PPIG: variants seen among roughly 807,000 people sequenced by gnomAD.
PPIG encodes peptidyl-prolyl cis-trans isomerase G.
Under a neutral mutation model 87.9 loss-of-function variants are expected in PPIG, and 26 were observed. The observed-to-expected ratio is 0.30, with a 90% CI of 0.22 to 0.41. The LOEUF (loss-of-function observed/expected upper bound fraction) is 0.41, where lower values mean the gene tolerates loss of function less well. Among genes scored for constraint, PPIG ranks in the 10% least tolerant of loss-of-function variants. PPIG has a pLI of 1.00. For synonymous variants in PPIG, 308 were observed against 276.5 expected, an observed-to-expected ratio of 1.11 and a Z score of -1.13; for missense variants, 722 against 879.4, an observed-to-expected ratio of 0.82 and a Z score of 2.26.
At chr2:169,587,683 A>T (rs1684741274) in intron 1 of PPIG, among the ~76,000 whole-genome samples, 1 of 152,212 alleles carries the variant, frequency 6.6e-6, no homozygotes, top group Non-Finnish European at 1.5e-5. Context: ...CCTGAAATTT[A>T]CTACAGACAG....
chr2:169,623,467 G>A (rs1243174024), intron 9 of PPIG, among the ~76,000 whole-genome samples: 2 of 152,194 alleles, frequency 1.3e-5, no homozygotes, highest in African/African-American at 2.4e-5. Context: ...GGATTGCTAT[G>A]TTACATAGTA....
intron 9 of PPIG, among the ~76,000 whole-genome samples, chr2:169,617,130 T>G (rs1349219286): frequency 6.6e-6 from 1 of 152,228 alleles, no homozygotes; most frequent in Admixed American, 6.5e-5. Flanking sequence ...CTTTCCCTAT[T>G]TCTTGTTTTT....
At chr2:169,630,329 A>T (rs1256351427) in intron 9 of PPIG, among the ~76,000 whole-genome samples, 3 of 152,158 alleles carry the variant, frequency 2.0e-5, no homozygotes, top group Non-Finnish European at 4.4e-5. Context: ...ACTGAAATAT[A>T]AGCCCATGCC....
At chr2:169,630,508 G>T (rs1002178474) in intron 9 of PPIG, among the ~76,000 whole-genome samples, 22 of 152,134 alleles carry the variant, frequency 1.4e-4, no homozygotes, top group African/African-American at 4.6e-4. Context: ...TTCTTATTCA[G>T]ATGTTTGTTA....
intron 6 of PPIG, among the ~76,000 whole-genome samples, chr2:169,608,141 A>G (rs1685383222): frequency 6.6e-6 from 1 of 151,608 alleles, no homozygotes; most frequent in African/African-American, 2.4e-5. Context: ...GATTGAGATA[A>G]TATTTGGGTT....
At chr2:169,609,195 G>A (rs184721336) in intron 7 of PPIG, among the ~76,000 whole-genome samples, 1 of 152,046 alleles carries the variant, frequency 6.6e-6, no homozygotes, top group East Asian at 1.9e-4. Flanking sequence ...TGAAGGAAGG[G>A]GAACAAATAA....
chr2:169,605,901 TAA>T, intron 4 of PPIG, 136 bp from the exon 5 acceptor site: 1 of 626,622 alleles, frequency 1.6e-6, no homozygotes, highest in Non-Finnish European at 2.8e-6. Context: ...AATGAATTTT[TAA>T]AAAAAAATTC....
chr2:169,631,701 T>C, intron 10 of PPIG, 65 bp from the exon 11 acceptor site: 3 of 1,604,532 alleles, frequency 1.9e-6, no homozygotes, highest in South Asian at 1.1e-5. Flanking sequence ...ATACCAACAA[T>C]TGGATACTTC....
Position 169,633,148 on chromosome 2 carries a change from G to T in PPIG, c.930-12G>T. 6.3e-7 allele frequency: 1 copy of T among 1,575,440 alleles called. No homozygotes were observed. On this transcript the variant is annotated splice_polypyrimidine_tract_variant and intron_variant, in intron 11 of 13. Transcript: ENST00000260970. Reference sequence around the variant, plus strand: ...AAAAAAATGTGTTAACTTTCTGTTTGCTTCCTTCTAGTAATCCACCTAACT... The same window carrying T: ...AAAAAAATGTGTTAACTTTCTGTTTTCTTCCTTCTAGTAATCCACCTAACT...
At chr2:169,634,522 C>T (rs1200943353) in intron 12 of PPIG, among the ~76,000 whole-genome samples, 1 of 152,144 alleles carries the variant, frequency 6.6e-6, no homozygotes, top group Admixed American at 6.5e-5. Flanking sequence ...TAATGAGTAC[C>T]TCAAACTTGG....
chr2:169,629,154 T>G (rs1304906885), intron 9 of PPIG, among the ~76,000 whole-genome samples: 1 of 152,150 alleles, frequency 6.6e-6, no homozygotes, highest in Non-Finnish European at 1.5e-5. Flanking sequence ...ACATACTAAT[T>G]TATACACAAG....
In PPIG at chr2:169,637,211, C is replaced by T. The variant is rs867669605; in HGVS notation, c.1953C>T (p.Ser651=). ...AATACAGAAACCAAGAGAGTAAGAG[C>T]TCACACAGAAAAGAAAATTCTGAGA... The part of the protein sequence containing the change: ...KDKYRNQESK[S]SHRKENSESE... The change falls in exon 14 of 14, where the codon AGC becomes AGT. Residue 651 remains serine (S), a synonymous_variant. Transcript: ENST00000260970. The T allele has an allele frequency of 1.2e-6, 2 of 1,613,364 alleles. No individual in the cohort carries two copies. Among genetic ancestry groups the T allele is most frequent in the South Asian group, 1.1e-5 (1 of 91,006 alleles).
chr2:169,584,841 C>G, intron 1 of PPIG: 1 of 284,004 alleles, frequency 3.5e-6, no homozygotes, highest in Non-Finnish European at 6.8e-6. Context: ...GGCCTGAACT[C>G]TAGGGAGCCG....
At chr2:169,612,177 A>G (rs1366763073) in intron 7 of PPIG, among the ~76,000 whole-genome samples, 1 of 151,954 alleles carries the variant, frequency 6.6e-6, no homozygotes, top group Non-Finnish European at 1.5e-5. Context: ...AACCATCACC[A>G]CTATTTCCAG....
At chr2:169,607,693 A>G (rs1247065832) in intron 6 of PPIG, among the ~76,000 whole-genome samples, 1 of 152,230 alleles carries the variant, frequency 6.6e-6, no homozygotes, top group Admixed American at 6.5e-5. Context: ...TTAAAATTCT[A>G]CATGATTTGT....
At chr2:169,599,992 T>C (rs1226944661) in intron 1 of PPIG, among the ~76,000 whole-genome samples, 3 of 152,208 alleles carry the variant, frequency 2.0e-5, no homozygotes, top group Admixed American at 2.0e-4. Context: ...AGCTGTTTCA[T>C]ATCCAGGGTT....
intron 1 of PPIG, among the ~76,000 whole-genome samples, chr2:169,587,122 G>A (rs1200395269): frequency 6.6e-6 from 1 of 152,012 alleles, no homozygotes; most frequent in Admixed American, 6.6e-5. Flanking sequence ...TAGTAGAGAA[G>A]GGGTTTCACC....
intron 9 of PPIG, among the ~76,000 whole-genome samples, chr2:169,624,586 G>C (rs563911837): frequency 6.6e-6 from 1 of 151,866 alleles, no homozygotes; most frequent in African/African-American, 2.4e-5. Context: ...TAGGAAGTAG[G>C]GTTTTGTTTG....
chr2:169,615,485 A>T (rs1360340598), intron 9 of PPIG, among the ~76,000 whole-genome samples: 1 of 152,124 alleles, frequency 6.6e-6, no homozygotes, highest in Non-Finnish European at 1.5e-5. Context: ...TCCTTCTCTA[A>T]TCCCATGGGA....
Sources: gnomAD v4.1 joint callset for allele counts (sites outside exome capture counted in the v4.1 genomes callset) on GRCh38, gnomAD v4.1.1 for gene constraint, MANE v1.5 for transcripts, NCBI Gene and HGNC (gene_info 2026-07-23, HGNC 2026-07-21) for gene names.